The following CFAP20DC variants were observed in gnomAD, a reference collection of about 807,000 sequenced individuals.
The protein encoded by CFAP20DC is protein CFAP20DC.
In CFAP20DC, 84 loss-of-function variants were observed where a neutral mutation model predicts 101.7. The observed-to-expected ratio is 0.83, with a 90% CI of 0.69 to 0.99. The LOEUF (loss-of-function observed/expected upper bound fraction) is 0.99, where lower values mean the gene tolerates loss of function less well. CFAP20DC is among the 50% of genes least tolerant of loss of function. The pLI, the probability that CFAP20DC is intolerant of heterozygous loss-of-function variation, is 0.00. For synonymous variants in CFAP20DC, 359 were observed against 351.2 expected (o/e 1.02, Z -0.25); for missense variants, 1,007 against 970.3 (o/e 1.04, Z -0.50).
chr3:58,821,172 A>T (rs1231583008), intron 14 of CFAP20DC, among the ~76,000 whole-genome samples: 3 of 152,078 alleles, frequency 2.0e-5, no homozygotes, highest in African/African-American at 7.2e-5. Context: ...TAAACGTTAG[A>T]CCTAAAACCA....
intron 14 of CFAP20DC, among the ~76,000 whole-genome samples, chr3:58,821,829 TAA>T (rs1386439485): frequency 7.4e-6 from 1 of 135,162 alleles, no homozygotes; most frequent in African/African-American, 2.9e-5. Flanking sequence ...CATGCTGCTA[TAA>T]AGACACATGC....
chr3:58,743,038 A>G (rs1361420603), intron 16 of CFAP20DC, among the ~76,000 whole-genome samples: 1 of 152,210 alleles, frequency 6.6e-6, no homozygotes, highest in East Asian at 1.9e-4. Context: ...CCAAACAAAT[A>G]TGAATTAAAA....
chr3:58,884,114 A>G (rs1330741849), intron 7 of CFAP20DC, among the ~76,000 whole-genome samples: 1 of 152,140 alleles, frequency 6.6e-6, no homozygotes, highest in African/African-American at 2.4e-5. Context: ...TTTGAAAGGC[A>G]ACACTGGCTA....
At chr3:58,778,821 T>C (rs2071571533) in intron 15 of CFAP20DC, among the ~76,000 whole-genome samples, 3 of 152,094 alleles carry the variant, frequency 2.0e-5, no homozygotes, top group Non-Finnish European at 4.4e-5. Context: ...AACAAACATA[T>C]CTTAAGCCAC....
chr3:58,815,077 T>C (rs2075002452), intron 14 of CFAP20DC, among the ~76,000 whole-genome samples: 1 of 151,478 alleles, frequency 6.6e-6, no homozygotes, highest in Non-Finnish European at 1.5e-5. Flanking sequence ...AGAACAAAGC[T>C]GGAGGCATCA....
chr3:58,863,520 C>CTG lies in CFAP20DC; in HGVS notation c.1593+36_1593+37dup. ...GTGCTTATTGGAGCTAAGGAAACAACTGTGCTTCAAGACTACTTCACTTAT... is the reference window on the plus strand; with the variant it reads ...GTGCTTATTGGAGCTAAGGAAACAACTGTGTGCTTCAAGACTACTTCACTTAT... On this transcript the variant is annotated intron_variant, in intron 12 of 16. Transcript: ENST00000482387. This position sits in a 1 kb window ranked among gnomAD's most constrained non-coding sequence, Gnocchi z 5.9. 6.2e-7 allele frequency: 1 copy of CTG among 1,608,580 alleles called. No homozygotes were observed. Among genetic ancestry groups the CTG allele is most frequent in the Non-Finnish European group, 8.5e-7 (1 of 1,178,196 alleles).
At chr3:58,898,337 G>A (rs534510681) in intron 6 of CFAP20DC, among the ~76,000 whole-genome samples, 5 of 152,002 alleles carry the variant, frequency 3.3e-5, no homozygotes, top group Non-Finnish European at 5.9e-5. Context: ...AGCATGCCCG[G>A]CTAATTTTTG....
At chr3:58,791,094 T>C (rs2072810721) in intron 15 of CFAP20DC, among the ~76,000 whole-genome samples, 1 of 152,126 alleles carries the variant, frequency 6.6e-6, no homozygotes, top group Non-Finnish European at 1.5e-5. Flanking sequence ...CTGAGCCTGC[T>C]TCCCTGGCAG....
chr3:58,865,960 AT>A (rs1049887186), intron 11 of CFAP20DC, among the ~76,000 whole-genome samples: 11 of 152,212 alleles, frequency 7.2e-5, no homozygotes, highest in African/African-American at 2.7e-4. Context: ...TTAGAAAAAT[AT>A]GTAAATTACT....
intron 4 of CFAP20DC, among the ~76,000 whole-genome samples, chr3:59,005,858 T>C (rs534220000): frequency 1.3e-5 from 2 of 152,168 alleles, no homozygotes; most frequent in Non-Finnish European, 2.9e-5. Flanking sequence ...TGAAAAGATA[T>C]GAAGTAGTAA....
At chr3:58,818,528 T>C (rs2075370678) in intron 14 of CFAP20DC, among the ~76,000 whole-genome samples, 1 of 150,262 alleles carries the variant, frequency 6.7e-6, no homozygotes, top group Admixed American at 6.6e-5. Flanking sequence ...CCAACAAAGA[T>C]CAAAAGAGAC....
At chr3:58,961,952 T>C (rs1559904694) in intron 4 of CFAP20DC, among the ~76,000 whole-genome samples, 1 of 152,208 alleles carries the variant, frequency 6.6e-6, no homozygotes, top group Admixed American at 6.5e-5. Flanking sequence ...GTAAGTTTTG[T>C]CCATCTTTTC....
rs758421952 is a variant in CFAP20DC at position 58,799,729 on chromosome 3, GTGTC to G, written c.2237+6662_2237+6665del. On this transcript the variant is annotated intron_variant, in intron 15 of 16. Coordinates refer to ENST00000482387, the MANE Select transcript of CFAP20DC (RefSeq NM_001394063.1). The surrounding 1 kb of genome is among the most constrained non-coding windows in gnomAD (Gnocchi z 4.9). ...GAGCAGTGTGTGTGTGTCTGTGTGT[GTGTC>G]TGTGTGTGTGTGTGTGTGTGTGTGT... Among the ~76,000 whole-genome samples, 273 of 130,132 alleles carry G rather than the reference GTGTC, an allele frequency of 2.1e-3. 1 individual carries two copies. Among genetic ancestry groups the G allele is most frequent in the Non-Finnish European group, 3.6e-3 (227 of 62,232 alleles). 85.4% of individuals were successfully genotyped at this position (130,132 alleles called of 152,430 possible).
chr3:58,946,366 C>T (rs1390245666), intron 4 of CFAP20DC, among the ~76,000 whole-genome samples: 1 of 152,086 alleles, frequency 6.6e-6, no homozygotes, highest in Admixed American at 6.6e-5. Flanking sequence ...ATCCGCCCAC[C>T]TTGGCCTCCC....
chr3:58,749,184 T>C (rs1263390256), intron 16 of CFAP20DC, among the ~76,000 whole-genome samples: 1 of 152,162 alleles, frequency 6.6e-6, no homozygotes, highest in Non-Finnish European at 1.5e-5. Context: ...ACTCATCAAA[T>C]ATTTATGGGG....
chr3:59,012,264 A>G (rs1303873023), intron 4 of CFAP20DC, among the ~76,000 whole-genome samples: 1 of 152,238 alleles, frequency 6.6e-6, no homozygotes, highest in African/African-American at 2.4e-5. Context: ...GATGAAAAAA[A>G]GGGTACAGAA....
At position 58,912,778 on chromosome 3, in the gene CFAP20DC, T is replaced by C. The variant is rs746561063; in HGVS notation, c.550+930A>G. ...TATTTATAAATCAAATTATGAACAA[T>C]TAATGTAAATATTTCTAGTCTCTCT... is the stretch of plus-strand genomic sequence containing the variant. On this transcript the variant is annotated intron_variant, in intron 6 of 16. Transcript: ENST00000482387. The surrounding 1 kb of genome is among the most constrained non-coding windows in gnomAD (Gnocchi z 4.4). 1.8e-5 allele frequency: 8 copies of C among 452,656 alleles called. No individual in the cohort carries two copies. The highest frequency in any genetic ancestry group is 1.3e-4 in the South Asian group (8 of 63,226). The allele number at this position is 452,656 out of a possible 1,614,324, so 28.0% of individuals were successfully genotyped here.
chr3:58,740,809 T>C (rs186956484), downstream of CFAP20DC, among the ~76,000 whole-genome samples: 1 of 152,214 alleles, frequency 6.6e-6, no homozygotes, highest in Non-Finnish European at 1.5e-5. The surrounding 1 kb of genome is among the most constrained non-coding windows in gnomAD (Gnocchi z 4.6). Context: ...CTGAGACTAT[T>C]TAAAGCAGAA....
At position 58,806,476 on chromosome 3, in the gene CFAP20DC, T is replaced by G. The variant is rs138626633; in HGVS notation, c.2176-20A>C. 205 of 1,581,088 alleles carry G rather than the reference T, an allele frequency of 1.3e-4. 1 individual carries two copies. Among genetic ancestry groups the G allele is most frequent in the Middle Eastern group, 1.7e-4 (1 of 5,992 alleles). ...GACAGGCTGGAAAAGACAAAACATT[T>G]GTGAATGTTTAATCAGCACAAAGCT... On this transcript the variant is annotated intron_variant, in intron 14 of 16. Transcript: ENST00000482387.
Sources: allele counts gnomAD v4.1 joint callset (sites outside exome capture counted in the v4.1 genomes callset), GRCh38; gene constraint gnomAD v4.1.1; non-coding constraint Gnocchi (gnomAD v3.1); transcripts MANE v1.5; gene names NCBI Gene and HGNC (gene_info 2026-07-23, HGNC 2026-07-21).